Variants in DLG5 observed in about 807,000 individuals in gnomAD.
DLG5 encodes the protein disks large homolog 5.
A neutral mutation model predicts 189.8 loss-of-function variants in DLG5; 48 were observed. The observed-to-expected ratio is 0.25, with a 90% confidence interval of 0.20 to 0.32. DLG5 has a LOEUF of 0.32. Among genes scored for constraint, DLG5 ranks in the 10% least tolerant of loss-of-function variants. The probability of loss-of-function intolerance (pLI) is 1.00; values close to 1 mark genes in which losing one functional copy is unlikely to be tolerated. For missense variants in DLG5, 2,160 were observed against 2,544.7 expected (o/e 0.85, Z 3.25); for synonymous variants, 1,016 against 1,054.1 (o/e 0.96, Z 0.70).
intron 27 of DLG5, among the ~76,000 whole-genome samples, chr10:77,802,551 G>A (rs1841261726): frequency 6.6e-6 from 1 of 152,226 alleles, no homozygotes; most frequent in South Asian, 2.1e-4. Flanking sequence ...ATGTGCAAAT[G>A]GACAGACTGA....
chr10:77,825,630 G>A (rs1219925984), intron 13 of DLG5, among the ~76,000 whole-genome samples: 1 of 151,004 alleles, frequency 6.6e-6, no homozygotes, highest in Non-Finnish European at 1.5e-5. Context: ...ATCTCGGCTC[G>A]CTGCAACCTC....
intron 1 of DLG5, among the ~76,000 whole-genome samples, chr10:77,881,310 C>T (rs1845274414): frequency 6.6e-6 from 1 of 152,116 alleles, no homozygotes; most frequent in African/African-American, 2.4e-5. Context: ...AGTGTCAACA[C>T]TCAGGGAACA....
chr10:77,920,543 C>T (rs772406373), intron 1 of DLG5, among the ~76,000 whole-genome samples: 9 of 152,188 alleles, frequency 5.9e-5, no homozygotes, highest in Non-Finnish European at 1.0e-4. Context: ...AATGGGCTGC[C>T]AATCACAGTA....
At chr10:77,889,800 G>A (rs1845553321) in intron 1 of DLG5, among the ~76,000 whole-genome samples, 1 of 152,192 alleles carries the variant, frequency 6.6e-6, no homozygotes, top group Admixed American at 6.5e-5. Flanking sequence ...TATCCCAGGA[G>A]TAATCTGAGA....
At chr10:77,907,481 A>G (rs1188583076) in intron 1 of DLG5, among the ~76,000 whole-genome samples, 1 of 152,186 alleles carries the variant, frequency 6.6e-6, no homozygotes, top group Non-Finnish European at 1.5e-5. Flanking sequence ...CAGGAGGCTA[A>G]GGTAGGATAA....
chr10:77,812,400 G>A (rs746097744), intron 20 of DLG5, 23 bp from the exon 21 acceptor site: 31 of 1,598,264 alleles, frequency 1.9e-5, no homozygotes, highest in African/African-American at 6.7e-5. Context: ...CAAAAGTTTC[G>A]GGGACTCAGG....
At chr10:77,871,895 T>C (rs748789464) in intron 1 of DLG5, among the ~76,000 whole-genome samples, 7 of 152,138 alleles carry the variant, frequency 4.6e-5, no homozygotes, top group Admixed American at 6.6e-5. Flanking sequence ...ACACATTACA[T>C]GTTGCTTCAA....
upstream of DLG5, among the ~76,000 whole-genome samples, chr10:77,930,229 G>A (rs978960654): frequency 6.6e-6 from 1 of 151,810 alleles, no homozygotes; most frequent in Non-Finnish European, 1.5e-5. Context: ...TGTTTCCTTC[G>A]GAAACAATCA....
intron 1 of DLG5, among the ~76,000 whole-genome samples, chr10:77,897,223 G>A (rs1037516104): frequency 1.3e-5 from 2 of 152,148 alleles, no homozygotes; most frequent in African/African-American, 2.4e-5. Flanking sequence ...GGATGTAGTG[G>A]TGCATGCCTG....
intron 1 of DLG5, among the ~76,000 whole-genome samples, chr10:77,895,477 T>G (rs1157166091): frequency 1.3e-5 from 2 of 152,134 alleles, no homozygotes; most frequent in Non-Finnish European, 2.9e-5. Context: ...AATGGTACAT[T>G]TGAGCCCTGA....
chr10:77,829,729 C>T (rs764788472), intron 11 of DLG5, among the ~76,000 whole-genome samples, 199 bp from the exon 12 acceptor site: 2 of 152,226 alleles, frequency 1.3e-5, no homozygotes, highest in Non-Finnish European at 2.9e-5. Context: ...AATCCTGGCC[C>T]TACCACTTAC....
At chr10:77,911,084 A>T (rs1240084728) in intron 1 of DLG5, among the ~76,000 whole-genome samples, 1 of 151,806 alleles carries the variant, frequency 6.6e-6, no homozygotes, top group Non-Finnish European at 1.5e-5. Flanking sequence ...TACCATGAAT[A>T]CTGAAAAGGC....
rs1485256707 is a variant in DLG5, at chr10:77,824,389, G to A, written c.2377C>T (p.Leu793=). 6.2e-7 allele frequency: 1 copy of A among 1,611,980 alleles called. No homozygotes were observed. The part of the protein sequence containing the change: ...SCQDSLTLSL[L]KVFPQSSSWS... Reference sequence around the variant, plus strand: ...GAGCCAGGTCCAGCCCTTACCTTCAGGAGGGACAGGGTCAGGGAGTCCTGG... The same window carrying A: ...GAGCCAGGTCCAGCCCTTACCTTCAAGAGGGACAGGGTCAGGGAGTCCTGG... The change falls in exon 14 of 32, where the codon CTG becomes TTG. Residue 793 remains leucine (L), a synonymous_variant. Coordinates refer to ENST00000372391, the MANE Select transcript of DLG5 (RefSeq NM_004747.4).
Position 77,796,465 on chromosome 10 carries a change from C to A in DLG5, c.5294G>T (p.Cys1765Phe). The A allele has an allele frequency of 6.2e-7, 1 of 1,614,190 alleles. No homozygotes were observed. The highest frequency in any genetic ancestry group is 8.5e-7 in the Non-Finnish European group (1 of 1,180,034). The change falls in exon 28 of 32, where the codon TGC (cysteine) becomes TTC (phenylalanine). Residue 1765 changes from cysteine (C) to phenylalanine (F), a missense_variant. Cys to Phe is a radical substitution (Grantham distance 205, BLOSUM62 -2). Transcript: ENST00000372391. This position sits in a 1 kb window ranked among gnomAD's most constrained non-coding sequence, Gnocchi z 5.2. Reference sequence around the variant, plus strand: ...GTGCCCCTTACCAAGGGGACATCTGCAGAACTTGCCAGGAGCCTCATTCAC... The same window carrying A: ...GTGCCCCTTACCAAGGGGACATCTGAAGAACTTGCCAGGAGCCTCATTCAC... ...MLVNEAPGKF[C>F]RCPLEVMKAS... is the part of the protein sequence containing the mutation.
At chr10:77,893,012 C>G (rs373769753) in intron 1 of DLG5, among the ~76,000 whole-genome samples, 2 of 152,210 alleles carry the variant, frequency 1.3e-5, no homozygotes, top group South Asian at 2.1e-4. Flanking sequence ...CAGGGCACCC[C>G]CAGGTTGGGA....
At chr10:77,882,105 G>T (rs1248463815) in intron 1 of DLG5, among the ~76,000 whole-genome samples, 1 of 152,188 alleles carries the variant, frequency 6.6e-6, no homozygotes, top group Non-Finnish European at 1.5e-5. Flanking sequence ...GGGCTCCTGA[G>T]GTCATGGAGA....
intron 8 of DLG5, among the ~76,000 whole-genome samples, chr10:77,834,667 C>T (rs940111936): frequency 1.3e-5 from 2 of 152,118 alleles, no homozygotes; most frequent in Non-Finnish European, 2.9e-5. Flanking sequence ...CTCTGTGCCA[C>T]CTCCAGAAAT....
At chr10:77,812,422 G>A in intron 20 of DLG5, 45 bp from the exon 21 acceptor site, 1 of 1,588,754 alleles carries the variant, frequency 6.3e-7, no homozygotes, top group Admixed American at 1.7e-5. Flanking sequence ...TCAAACAAAA[G>A]GGTTGGGGAG....
At chr10:77,798,522 A>C (rs1210333125) in intron 27 of DLG5, among the ~76,000 whole-genome samples, 1 of 152,200 alleles carries the variant, frequency 6.6e-6, no homozygotes, top group East Asian at 1.9e-4. Context: ...CACTATTATG[A>C]GCTGGAAGTG....
Sources: allele counts gnomAD v4.1 joint callset (sites outside exome capture counted in the v4.1 genomes callset), GRCh38; gene constraint gnomAD v4.1.1; non-coding constraint Gnocchi (gnomAD v3.1); transcripts MANE v1.5; gene names NCBI Gene and HGNC (gene_info 2026-07-23, HGNC 2026-07-21).